The following MYRIP variants were observed in gnomAD, a reference collection of about 807,000 sequenced individuals.
MYRIP encodes myosin VIIA and Rab interacting protein.
Under a neutral mutation model 98.0 loss-of-function variants are expected in MYRIP, and 49 were observed. The ratio of observed to expected loss-of-function variants is 0.50; its 90% CI spans 0.40 to 0.63. The LOEUF (loss-of-function observed/expected upper bound fraction) is 0.63. MYRIP is among the 30% of genes least tolerant of loss of function. The probability of loss-of-function intolerance (pLI) is 0.00; values close to 1 mark genes in which losing one functional copy is unlikely to be tolerated. For synonymous variants in MYRIP, 404 were observed against 409.5 expected (o/e 0.99, Z 0.16); for missense variants, 1,004 against 1,058.2 (o/e 0.95, Z 0.71).
intron 3 of MYRIP, among the ~76,000 whole-genome samples, chr3:40,134,643 G>A (rs528357350): frequency 2.4e-4 from 36 of 152,310 alleles, no homozygotes; most frequent in South Asian, 4.1e-4. Context: ...CAGTAGGGGC[G>A]GACTGATGCC....
intron 3 of MYRIP, among the ~76,000 whole-genome samples, chr3:40,144,880 A>C (rs940521102): frequency 2.6e-5 from 4 of 152,152 alleles, no homozygotes; most frequent in Non-Finnish European, 5.9e-5. Context: ...CATGATTGCA[A>C]GCTCCCAGTT....
chr3:40,061,554 T>C (rs59947601), intron 3 of MYRIP, among the ~76,000 whole-genome samples: 4 of 152,206 alleles, frequency 2.6e-5, no homozygotes, highest in Non-Finnish European at 5.9e-5. Flanking sequence ...TACATGTGTA[T>C]GTGTCTTTAT....
intron 1 of MYRIP, among the ~76,000 whole-genome samples, chr3:39,851,810 G>C (rs1289164516): frequency 2.0e-5 from 3 of 152,100 alleles, no homozygotes; most frequent in Non-Finnish European, 4.4e-5. Flanking sequence ...GGTTCAAATA[G>C]AGGTCAAAAT....
At chr3:40,063,482 T>C (rs1303994797) in intron 3 of MYRIP, among the ~76,000 whole-genome samples, 1 of 152,216 alleles carries the variant, frequency 6.6e-6, no homozygotes, top group South Asian at 2.1e-4. Context: ...ATACAAAAGG[T>C]CTATGCTAAA....
At chr3:40,121,780 G>C (rs1949411427) in intron 3 of MYRIP, among the ~76,000 whole-genome samples, 1 of 152,126 alleles carries the variant, frequency 6.6e-6, no homozygotes. Context: ...TTAAAATAAA[G>C]ATTGATGCAA....
intron 1 of MYRIP, among the ~76,000 whole-genome samples, chr3:39,840,080 C>G (rs1397218233): frequency 2.0e-5 from 3 of 152,140 alleles, no homozygotes; most frequent in Non-Finnish European, 2.9e-5. Context: ...GTGTTAAAGT[C>G]TCCCACTATT....
At chr3:40,236,531 T>C (rs1485632220) in intron 12 of MYRIP, among the ~76,000 whole-genome samples, 2 of 152,218 alleles carry the variant, frequency 1.3e-5, no homozygotes, top group African/African-American at 4.8e-5. Flanking sequence ...TTGCTAGTAA[T>C]GGATTTTTCA....
chr3:40,202,432 C>T (rs1241204792), intron 10 of MYRIP, among the ~76,000 whole-genome samples: 1 of 152,052 alleles, frequency 6.6e-6, no homozygotes, highest in African/African-American at 2.4e-5. Context: ...TTTCAATGTG[C>T]GCAGATCACT....
At chr3:39,993,251 A>G (rs931923871) in intron 2 of MYRIP, among the ~76,000 whole-genome samples, 8 of 152,234 alleles carry the variant, frequency 5.3e-5, no homozygotes, top group Admixed American at 3.3e-4. Context: ...CTGAGATAAC[A>G]GCATTAATCT....
chr3:39,935,204 C>T (rs188196822), intron 2 of MYRIP, among the ~76,000 whole-genome samples: 43 of 152,116 alleles, frequency 2.8e-4, no homozygotes, highest in Admixed American at 3.3e-4. Context: ...GGTTCAGGGA[C>T]GGGGCAGATA....
intron 3 of MYRIP, among the ~76,000 whole-genome samples, chr3:40,121,580 G>T (rs1293153620): frequency 6.6e-6 from 1 of 151,726 alleles, no homozygotes; most frequent in Non-Finnish European, 1.5e-5. Context: ...TCCTCCTGAG[G>T]TCCTCTGCTC....
intron 2 of MYRIP, among the ~76,000 whole-genome samples, chr3:39,999,558 A>C (rs903038725): frequency 5.3e-5 from 8 of 151,914 alleles, no homozygotes; most frequent in African/African-American, 1.2e-4. Context: ...GAAATAGGAA[A>C]ACTTTCACAC....
intron 2 of MYRIP, among the ~76,000 whole-genome samples, chr3:40,016,241 T>C (rs1946858431): frequency 6.6e-6 from 1 of 152,154 alleles, no homozygotes; most frequent in Non-Finnish European, 1.5e-5. Flanking sequence ...GTGTTTCCTC[T>C]TGGCTATTCC....
chr3:39,986,994 TTTA>T (rs899057523), intron 2 of MYRIP, among the ~76,000 whole-genome samples: 5 of 152,134 alleles, frequency 3.3e-5, no homozygotes, highest in Non-Finnish European at 5.9e-5. Flanking sequence ...TATTCTGCTC[TTTA>T]TTATTATTAT....
chr3:39,843,610 G>T (rs1185777672), intron 1 of MYRIP, among the ~76,000 whole-genome samples: 1 of 152,166 alleles, frequency 6.6e-6, no homozygotes, highest in Non-Finnish European at 1.5e-5. Context: ...TGGCCAAATT[G>T]CTGTAAAATG....
At chr3:40,163,809 A>G (rs571001432) in intron 5 of MYRIP, among the ~76,000 whole-genome samples, 2 of 152,180 alleles carry the variant, frequency 1.3e-5, no homozygotes, top group East Asian at 3.9e-4. Context: ...CCCATAATAG[A>G]TCTCCTATTT....
chr3:39,861,088 T>TAA (rs1942454826), intron 1 of MYRIP, among the ~76,000 whole-genome samples: 1 of 152,216 alleles, frequency 6.6e-6, no homozygotes, highest in African/African-American at 2.4e-5. Context: ...GCACCACCCA[T>TAA]AAGGGTGTTG....
At chr3:40,226,248 A>G (rs1952485429) in intron 11 of MYRIP, among the ~76,000 whole-genome samples, 1 of 152,180 alleles carries the variant, frequency 6.6e-6, no homozygotes, top group Admixed American at 6.5e-5. Context: ...CTTTATTTCA[A>G]TAACCTAGTG....
intron 1 of MYRIP, among the ~76,000 whole-genome samples, chr3:39,878,245 T>C (rs1943062195): frequency 6.6e-6 from 1 of 152,206 alleles, no homozygotes; most frequent in South Asian, 2.1e-4. Flanking sequence ...AGGTGCTGTC[T>C]GTCACCCCTT....
Sources: allele counts gnomAD v4.1 joint callset (sites outside exome capture counted in the v4.1 genomes callset), GRCh38; gene constraint gnomAD v4.1.1; transcripts MANE v1.5; gene names NCBI Gene and HGNC (gene_info 2026-07-23, HGNC 2026-07-21).